Variants in HERC2 observed in about 807,000 individuals in gnomAD.
HERC2 encodes the protein E3 ubiquitin-protein ligase HERC2.
A neutral mutation model predicts 537.7 loss-of-function variants in HERC2; 102 were observed. That is an observed-to-expected ratio of 0.19 (90% CI 0.16 to 0.22). The LOEUF is 0.22. HERC2 is among the 10% of genes least tolerant of loss of function. The pLI is 1.00. For missense variants in HERC2, 4,236 were observed against 6,198.2 expected (o/e 0.68, Z 10.63); for synonymous variants, 2,224 against 2,466.2 (o/e 0.90, Z 2.91).
In HERC2 at chr15:28,214,522, C is replaced by T. The variant is rs145517892; in HGVS notation, c.6358+133G>A. 4.3e-3 allele frequency: 5,372 copies of T among 1,247,910 alleles called. 192 individuals are homozygous for T. The African/African-American group carries it at 0.075, about 17-fold the overall frequency. 77.3% of individuals were successfully genotyped at this position (1,247,910 alleles called of 1,614,324 possible). A position where few individuals can be genotyped will look rare whatever the true frequency, so the allele number is the denominator to read the frequency against. The stretch of plus-strand genomic sequence containing the variant: ...TTCACCAGGGCACAGGGAAGGGAGA[C>T]GGCCACCCACCTCTGAGTGACGGCA... On this transcript the variant is annotated intron_variant, in intron 40 of 92. Transcript: ENST00000261609.
intron 79 of HERC2, among the ~76,000 whole-genome samples, chr15:28,134,172 C>A (rs546425844): frequency 6.6e-5 from 10 of 152,202 alleles, no homozygotes; most frequent in Non-Finnish European, 8.8e-5. Context: ...CTTCTGTCTA[C>A]AGGGTCATTC....
At chr15:28,210,314 T>C (rs1413599242) in intron 44 of HERC2, among the ~76,000 whole-genome samples, 2 of 152,100 alleles carry the variant, frequency 1.3e-5, no homozygotes, top group South Asian at 2.1e-4. Flanking sequence ...TTTGTATTTT[T>C]AGTAGAAATG....
Position 28,248,711 on chromosome 15 carries a change from T to C in HERC2, c.3076A>G (p.Arg1026Gly), listed in dbSNP as rs752216743. 1 of 1,614,004 alleles carries C rather than the reference T, an allele frequency of 6.2e-7. No individual in the cohort carries two copies. Among genetic ancestry groups the C allele is most frequent in the Admixed American group, 1.7e-5 (1 of 60,018 alleles). ...LRNIASQTVA[R>G]LKDVARRISS... The stretch of plus-strand genomic sequence containing the variant: ...ATCCGACGGGCAACATCTTTCAATC[T>C]GGCTACAGTCTGAGAAGCAATGTTT... The change falls in exon 21 of 93, where the codon AGA becomes GGA. Residue 1026 changes from arginine to glycine, a missense_variant. Around this residue, in one of 27 missense-constraint regions of HERC2, gnomAD observed 754 missense variants for 1,085.0 expected, o/e 0.69. Transcript: ENST00000261609.
intron 2 of HERC2, among the ~76,000 whole-genome samples, chr15:28,314,149 G>A (rs2077018836): frequency 6.6e-6 from 1 of 152,012 alleles, no homozygotes; most frequent in African/African-American, 2.4e-5. Flanking sequence ...CTACAATATT[G>A]CATATACAAT....
intron 46 of HERC2, 31 bp downstream of exon 46, chr15:28,202,316 T>C (rs201500188): frequency 4.4e-6 from 7 of 1,597,962 alleles, no homozygotes; most frequent in Non-Finnish European, 5.1e-6. Context: ...AACCCACACA[T>C]ACACAAGCAG....
At chr15:28,164,920 T>C (rs1257294156) in intron 68 of HERC2, among the ~76,000 whole-genome samples, 1 of 152,224 alleles carries the variant, frequency 6.6e-6, no homozygotes, top group Non-Finnish European at 1.5e-5. Context: ...CTTACTACCA[T>C]GGATGGTTAT....
chr15:28,221,881 C>G, intron 36 of HERC2, 147 bp downstream of exon 36: 1 of 768,916 alleles, frequency 1.3e-6, no homozygotes, highest in East Asian at 2.5e-5. Flanking sequence ...GTGTTCACTC[C>G]CTTCGGCTGC....
chr15:28,144,203 G>A lies in HERC2; in HGVS notation c.11173C>T (p.Leu3725Phe). 6.2e-7 allele frequency: 1 copy of A among 1,614,154 alleles called. No homozygotes were observed. The highest frequency in any genetic ancestry group is 8.5e-7 in the Non-Finnish European group (1 of 1,180,050). The change falls in exon 73 of 93, where the codon CTC becomes TTC. Residue 3725 changes from leucine (L) to phenylalanine (F), a missense_variant. This residue lies in a region of HERC2 where 109 missense variants were observed against 133.5 expected (regional missense o/e 0.82). Coordinates refer to ENST00000261609, the MANE Select transcript of HERC2 (RefSeq NM_004667.6). ...PKELLSDRCV[L>F]SCPSMDLVTC... ...ACCAAGTCCATGGATGGACAGGAGA[G>A]GACGCAGCGGTCAGAGAGGAGTTCT...
intron 48 of HERC2, among the ~76,000 whole-genome samples, chr15:28,199,749 TGCCTATGAA>T (rs1222548496): frequency 6.6e-6 from 1 of 152,004 alleles, no homozygotes; most frequent in Non-Finnish European, 1.5e-5. Flanking sequence ...AGGGAGTACA[TGCCTATGAA>T]GCTTCCTGCC....
chr15:28,166,340 T>A (rs1049834157), intron 68 of HERC2, among the ~76,000 whole-genome samples: 4 of 151,000 alleles, frequency 2.6e-5, no homozygotes, highest in African/African-American at 9.8e-5. Context: ...AAAGGGAGAG[T>A]AGGAATAAGC....
rs563259102 is a variant in HERC2, at chr15:28,255,847, G to A, written c.2871+25C>T. 9.4e-6 allele frequency: 15 copies of A among 1,595,378 alleles called. No individual in the cohort carries two copies. The South Asian group carries it at 1.5e-4, about 16-fold the overall frequency. On this transcript the variant is annotated intron_variant, in intron 19 of 92. Transcript: ENST00000261609. The stretch of plus-strand genomic sequence containing the variant: ...ATTTCTGATCTCAGTGCACCACCAG[G>A]TCACGTGTGCCTCCAAAGCCATACC...
At chr15:28,226,101 G>A (rs947828357) in intron 35 of HERC2, among the ~76,000 whole-genome samples, 5 of 152,156 alleles carry the variant, frequency 3.3e-5, no homozygotes, top group Admixed American at 6.5e-5. Context: ...CCTGATAACT[G>A]TAAAACAATA....
At position 28,196,581 on chromosome 15, in the gene HERC2, C is replaced by T; in HGVS notation, c.8012-12G>A. ...ATTGGCACTGAAAGCTAGGACAGAA[C>T]AGAAATCACCTGATCCATCTTCCTC... is the stretch of plus-strand genomic sequence containing the variant. On this transcript the variant is annotated splice_polypyrimidine_tract_variant and intron_variant, in intron 50 of 92. Transcript: ENST00000261609. The T allele has an allele frequency of 2.0e-6, 3 of 1,480,058 alleles. No homozygotes were observed. The South Asian group carries it at 3.5e-5, about 17-fold the overall frequency. The allele number at this position is 1,480,058 out of a possible 1,614,324, so 91.7% of individuals were successfully genotyped here.
intron 55 of HERC2, among the ~76,000 whole-genome samples, chr15:28,190,009 TTC>T (rs1447786749): frequency 4.5e-5 from 6 of 134,478 alleles, no homozygotes; most frequent in African/African-American, 2.2e-4. Context: ...TTTTCTTTCT[TTC>T]TTTTTTTTTT....
At chr15:28,226,513 C>T (rs993650391) in intron 35 of HERC2, among the ~76,000 whole-genome samples, 3 of 152,098 alleles carry the variant, frequency 2.0e-5, no homozygotes, top group Non-Finnish European at 4.4e-5. Flanking sequence ...AGGGAAAGAA[C>T]AGTCCTCAAC....
At chr15:28,236,503 C>T (rs1902474939) in intron 26 of HERC2, among the ~76,000 whole-genome samples, 2 of 151,992 alleles carry the variant, frequency 1.3e-5, no homozygotes, top group Non-Finnish European at 2.9e-5. Flanking sequence ...ATTGGCCAGG[C>T]TGGTCTTGAA....
chr15:28,184,172 C>T, intron 56 of HERC2, among the ~76,000 whole-genome samples: 1 of 152,152 alleles, frequency 6.6e-6, no homozygotes, highest in East Asian at 1.9e-4. Flanking sequence ...GCCTGGGCAA[C>T]AGAGTGAGAC....
chr15:28,177,614 C>T lies in HERC2; in HGVS notation c.9164-105G>A, dbSNP rs1895422472. 8 of 919,254 alleles carry T rather than the reference C, an allele frequency of 8.7e-6. No homozygotes were observed. Among genetic ancestry groups the T allele is most frequent in the East Asian group, 2.5e-5 (1 of 40,410 alleles). The allele number at this position is 919,254 out of a possible 1,614,324, so 56.9% of individuals were successfully genotyped here. The stretch of plus-strand genomic sequence containing the variant: ...TGGCATATAGCACACACTCAATGAG[C>T]GTGAGCTGAATAAATGAGTAACTCA... On this transcript the variant is annotated intron_variant, in intron 59 of 92. Coordinates refer to ENST00000261609, the MANE Select transcript of HERC2 (RefSeq NM_004667.6). This position sits in a 1 kb window ranked among gnomAD's most constrained non-coding sequence, Gnocchi z 5.0.
intron 63 of HERC2, 70 bp from the exon 64 acceptor site, chr15:28,175,726 C>G: frequency 1.4e-6 from 2 of 1,472,436 alleles, no homozygotes; most frequent in East Asian, 4.6e-5. Flanking sequence ...AGAAGACACT[C>G]ATTGTCTCAC....
Sources: allele counts gnomAD v4.1 joint callset (sites outside exome capture counted in the v4.1 genomes callset), GRCh38; gene constraint gnomAD v4.1.1; regional missense constraint gnomAD v4.1.1; non-coding constraint Gnocchi (gnomAD v3.1); transcripts MANE v1.5; gene names NCBI Gene and HGNC (gene_info 2026-07-23, HGNC 2026-07-21).